The following NRG1 variants were observed in gnomAD, a reference collection of about 807,000 sequenced individuals.
NRG1 encodes the protein pro-neuregulin-1, membrane-bound isoform.
NRG1 carries 18 observed loss-of-function variants against 63.8 expected under a neutral mutation model. That is an observed-to-expected ratio of 0.28 (90% confidence interval 0.19 to 0.42). The LOEUF (loss-of-function observed/expected upper bound fraction) is 0.42. Among genes scored for constraint, NRG1 ranks in the 10% least tolerant of loss-of-function variants. NRG1 has a pLI of 1.00. For synonymous variants in NRG1, 302 were observed against 301.3 expected (o/e 1.00, Z -0.02); for missense variants, 762 against 814.7 (o/e 0.94, Z 0.79).
intron 1 of NRG1, among the ~76,000 whole-genome samples, chr8:32,399,922 A>G (rs1231877540): frequency 1.3e-5 from 2 of 152,172 alleles, no homozygotes; most frequent in African/African-American, 4.8e-5. Context: ...AAGTACATGT[A>G]AGTTTAAGTA....
intron 1 of NRG1, among the ~76,000 whole-genome samples, chr8:31,988,699 G>C (rs1411078537): frequency 6.6e-6 from 1 of 152,104 alleles, no homozygotes; most frequent in African/African-American, 2.4e-5. Flanking sequence ...ATATCGACTA[G>C]ATATGGCAGC....
chr8:32,474,460 C>T (rs1487952496), intron 1 of NRG1, among the ~76,000 whole-genome samples: 1 of 147,664 alleles, frequency 6.8e-6, no homozygotes, highest in Admixed American at 6.8e-5. Flanking sequence ...GACCCTACCT[C>T]TGGTTCTGCC....
intron 11 of NRG1, chr8:32,763,153 A>G (rs1831014539): frequency 2.0e-6 from 3 of 1,520,660 alleles, no homozygotes; most frequent in Non-Finnish European, 1.8e-6. Context: ...AATGAAAAGC[A>G]CACAAATGTA....
At chr8:32,270,286 G>T (rs1005517829) in intron 1 of NRG1, among the ~76,000 whole-genome samples, 1 of 152,198 alleles carries the variant, frequency 6.6e-6, no homozygotes, top group Non-Finnish European at 1.5e-5. Context: ...AGCCGTCAAG[G>T]AGGGATCAGA....
At chr8:32,340,269 C>A (rs1205885920) in intron 1 of NRG1, among the ~76,000 whole-genome samples, 1 of 152,182 alleles carries the variant, frequency 6.6e-6, no homozygotes, top group Non-Finnish European at 1.5e-5. Context: ...TTAGCTCTGT[C>A]TTGAGCTGTC....
chr8:32,517,419 G>A (rs1829933756), intron 1 of NRG1, among the ~76,000 whole-genome samples: 1 of 152,058 alleles, frequency 6.6e-6, no homozygotes, highest in African/African-American at 2.4e-5. Flanking sequence ...TACATGTGGG[G>A]CGGCCAGCAG....
chr8:32,036,572 G>A (rs1476110777), intron 1 of NRG1, among the ~76,000 whole-genome samples: 1 of 152,146 alleles, frequency 6.6e-6, no homozygotes, highest in Non-Finnish European at 1.5e-5. Context: ...ACCCCAGTCA[G>A]CGGTAGGTTC....
At chr8:32,493,036 T>C in intron 1 of NRG1, among the ~76,000 whole-genome samples, 1 of 152,202 alleles carries the variant, frequency 6.6e-6, no homozygotes, top group East Asian at 1.9e-4. Flanking sequence ...GGCCTCTGTT[T>C]GTTGGGTCAC....
intron 5 of NRG1, among the ~76,000 whole-genome samples, chr8:32,690,749 C>A (rs1811378926): frequency 6.6e-6 from 1 of 151,258 alleles, no homozygotes; most frequent in Admixed American, 6.6e-5. Flanking sequence ...TCAACAGTAA[C>A]CTTGAGCAGA....
intron 1 of NRG1, among the ~76,000 whole-genome samples, chr8:31,805,489 A>G (rs1290163266): frequency 6.6e-6 from 1 of 152,138 alleles, no homozygotes; most frequent in Admixed American, 6.5e-5. Flanking sequence ...TGAAGAAAAT[A>G]TATCTTTTTT....
At chr8:32,201,678 A>G (rs1843510408) in intron 1 of NRG1, among the ~76,000 whole-genome samples, 1 of 152,222 alleles carries the variant, frequency 6.6e-6, no homozygotes, top group South Asian at 2.1e-4. Flanking sequence ...AGTCTTACAA[A>G]TAACTGACTT....
chr8:32,499,778 G>A (rs71512635), intron 1 of NRG1, among the ~76,000 whole-genome samples: 5,387 of 152,258 alleles, frequency 0.035, 154 homozygotes, highest in Admixed American at 0.062. Context: ...GGAGTTTGAA[G>A]GAACATGTTC....
chr8:32,155,624 C>A (rs1837976454), intron 1 of NRG1, among the ~76,000 whole-genome samples: 1 of 152,168 alleles, frequency 6.6e-6, no homozygotes, highest in Admixed American at 6.5e-5. Flanking sequence ...TCAAACACTG[C>A]ATTGACGCTT....
intron 1 of NRG1, among the ~76,000 whole-genome samples, chr8:32,462,665 G>T (rs997269121): frequency 2.2e-5 from 3 of 134,588 alleles, no homozygotes; most frequent in African/African-American, 8.3e-5. Context: ...GTTCAGTGGC[G>T]CAATCTCGGC....
At chr8:32,342,651 T>C (rs1029604639) in intron 1 of NRG1, among the ~76,000 whole-genome samples, 1 of 152,220 alleles carries the variant, frequency 6.6e-6, no homozygotes, top group African/African-American at 2.4e-5. Context: ...AGTTAAATTA[T>C]TCATATTCAT....
Position 32,344,360 on chromosome 8 carries a change from T to TTCTTTCTTTCTTTCTTTCTTTCTC in NRG1, c.38-251466_38-251443dup, listed in dbSNP as rs1804499437. On this transcript the variant is annotated intron_variant, in intron 1 of 10. Coordinates refer to the NRG1 transcript ENST00000519301. Reference sequence around the variant, plus strand: ...TTTCTTTCTTTCTTTCTTTCTTTCTTTCTTTCTTTCTTTCTTTCTTTCTCT... The same window carrying TTCTTTCTTTCTTTCTTTCTTTCTC: ...TTTCTTTCTTTCTTTCTTTCTTTCTTTCTTTCTTTCTTTCTTTCTTTCTCTCTTTCTTTCTTTCTTTCTTTCTCT... 2.8e-5 allele frequency among the ~76,000 whole-genome samples: 2 copies of TTCTTTCTTTCTTTCTTTCTTTCTC among 71,792 alleles called. 1 individual carries two copies. 47.1% of individuals were successfully genotyped at this position (71,792 alleles called of 152,430 possible).
Position 31,998,165 on chromosome 8 carries a change from G to T in NRG1, c.37+358734G>T, listed in dbSNP as rs1332166920. On this transcript the variant is annotated intron_variant, in intron 1 of 10. Coordinates refer to the NRG1 transcript ENST00000519301. ...GATGGCTCCCCATTGGGTAACACAA[G>T]GTGAAATGTGTATTCTGTTAGAAAT... is the stretch of plus-strand genomic sequence containing the variant. Among the ~76,000 whole-genome samples, 9 of 152,074 alleles carry T rather than the reference G, an allele frequency of 5.9e-5. No individual in the cohort carries two copies. The East Asian group carries it at 1.8e-3, about 30-fold the overall frequency.
At chr8:32,654,715 A>G (rs545475162) in intron 5 of NRG1, among the ~76,000 whole-genome samples, 4 of 101,640 alleles carry the variant, frequency 3.9e-5, no homozygotes, top group East Asian at 5.9e-4. Flanking sequence ...ACAATATAAT[A>G]TATGAGAAAA....
intron 1 of NRG1, among the ~76,000 whole-genome samples, chr8:32,260,821 G>A (rs974286350): frequency 6.6e-6 from 1 of 152,144 alleles, no homozygotes; most frequent in Non-Finnish European, 1.5e-5. Flanking sequence ...GGCTATGGCA[G>A]ACTTTGCTTG....
Sources: allele counts gnomAD v4.1 joint callset (sites outside exome capture counted in the v4.1 genomes callset), GRCh38; gene constraint gnomAD v4.1.1; transcripts MANE v1.5; gene names NCBI Gene and HGNC (gene_info 2026-07-23, HGNC 2026-07-21).